SLC9C1: variants seen among roughly 807,000 people sequenced by gnomAD.
SLC9C1 encodes sodium/hydrogen exchanger 10.
A neutral mutation model predicts 140.9 loss-of-function variants in SLC9C1; 97 were observed. The ratio of observed to expected loss-of-function variants is 0.69; its 90% CI spans 0.58 to 0.82. The LOEUF (loss-of-function observed/expected upper bound fraction) is 0.82. Ranked by LOEUF, SLC9C1 falls within the 40% of genes least tolerant of loss-of-function variation. The probability of loss-of-function intolerance (pLI) is 0.00; values close to 1 mark genes in which losing one functional copy is unlikely to be tolerated. For missense variants in SLC9C1, 1,340 were observed against 1,389.3 expected, an observed-to-expected ratio of 0.96 and a Z score of 0.56; for synonymous variants, 440 against 442.6, an observed-to-expected ratio of 0.99 and a Z score of 0.07.
intron 20 of SLC9C1, among the ~76,000 whole-genome samples, chr3:112,187,875 A>G (rs923501818): frequency 3.3e-5 from 5 of 152,074 alleles, no homozygotes; most frequent in African/African-American, 7.2e-5. Flanking sequence ...CATCTTATAT[A>G]TACAAAATCT....
chr3:112,162,459 T>G (rs1043070316), intron 26 of SLC9C1, among the ~76,000 whole-genome samples: 32 of 152,182 alleles, frequency 2.1e-4, no homozygotes, highest in African/African-American at 7.5e-4. Context: ...ATACCGAATT[T>G]ATTGAGAGTT....
chr3:112,280,778 A>C lies in SLC9C1; in HGVS notation c.94T>G (p.Leu32Val). 1 of 1,610,020 alleles carries C rather than the reference A, an allele frequency of 6.2e-7. No homozygotes were observed. The highest frequency in any genetic ancestry group is 1.1e-5 in the South Asian group (1 of 89,672). Reference protein sequence around the residue: ...LSLISSIGAFLNRHLEDFPIP... With the variant: ...LSLISSIGAFVNRHLEDFPIP... Reference sequence around the variant, plus strand: ...GGAAAGTCTTCCAAGTGCCGGTTCAAAAATGCTGCAAAAAATATGTTGTTA... The same window carrying C: ...GGAAAGTCTTCCAAGTGCCGGTTCACAAATGCTGCAAAAAATATGTTGTTA... The change falls in exon 3 of 29, where the codon TTG becomes GTG. Residue 32 changes from leucine (L) to valine (V), a missense_variant. Coordinates refer to ENST00000305815, the MANE Select transcript of SLC9C1 (RefSeq NM_183061.3).
At chr3:112,259,853 ATGT>A in intron 10 of SLC9C1, among the ~76,000 whole-genome samples, 1 of 152,264 alleles carries the variant, frequency 6.6e-6, no homozygotes, top group South Asian at 2.1e-4. Context: ...ACTATTAATT[ATGT>A]TGTTACCTAC....
In SLC9C1 at chr3:112,255,839, G is replaced by T. The variant is rs116457135; in HGVS notation, c.1197+7085C>A. Among the ~76,000 whole-genome samples, 1,037 of 152,042 alleles carry T rather than the reference G, an allele frequency of 6.8e-3. 10 individuals are homozygous for T. Among genetic ancestry groups the T allele is most frequent in the African/African-American group, 0.023 (954 of 41,520 alleles). On this transcript the variant is annotated intron_variant, in intron 10 of 28. Transcript: ENST00000305815. ...AATTAATAAGACAGATAAGCTTCTAGCTAGACTAATAAAGAAGAGAACATT... is the reference window on the plus strand; with the variant it reads ...AATTAATAAGACAGATAAGCTTCTATCTAGACTAATAAAGAAGAGAACATT...
chr3:112,269,779 T>C (rs1183889871), intron 7 of SLC9C1, 137 bp downstream of exon 7: 3 of 613,590 alleles, frequency 4.9e-6, no homozygotes, highest in African/African-American at 1.9e-5. Context: ...TATCTTTTGA[T>C]AGATTATTTT....
chr3:112,193,480 G>T (rs746562668), intron 20 of SLC9C1, among the ~76,000 whole-genome samples: 3 of 152,178 alleles, frequency 2.0e-5, no homozygotes, highest in Non-Finnish European at 4.4e-5. Context: ...CAGGCCAGAG[G>T]CATGTCTGTG....
intron 25 of SLC9C1, 104 bp downstream of exon 25, chr3:112,168,773 T>G: frequency 9.1e-7 from 1 of 1,099,184 alleles, no homozygotes; most frequent in Non-Finnish European, 1.3e-6. Flanking sequence ...GGGAGAAGAT[T>G]GGAAGATGAA....
At chr3:112,195,552 G>A (rs1426975649) in intron 20 of SLC9C1, among the ~76,000 whole-genome samples, 2 of 151,562 alleles carry the variant, frequency 1.3e-5, no homozygotes, top group African/African-American at 4.8e-5. Context: ...ATTGTCTTTT[G>A]TGTTAAGTTG....
chr3:112,257,553 G>A (rs2079643629), intron 10 of SLC9C1, among the ~76,000 whole-genome samples: 1 of 152,052 alleles, frequency 6.6e-6, no homozygotes, highest in African/African-American at 2.4e-5. Flanking sequence ...ATCAACTCAA[G>A]ATAGATTAAA....
At chr3:112,210,714 A>G (rs2078178042) in intron 15 of SLC9C1, among the ~76,000 whole-genome samples, 1 of 152,206 alleles carries the variant, frequency 6.6e-6, no homozygotes, top group Admixed American at 6.5e-5. Context: ...AACTTTATGT[A>G]TGTACATAAG....
At chr3:112,248,676 C>T (rs980835847) in intron 10 of SLC9C1, among the ~76,000 whole-genome samples, 3 of 152,026 alleles carry the variant, frequency 2.0e-5, no homozygotes, top group African/African-American at 7.2e-5. Flanking sequence ...TGAGGTAGGA[C>T]ATTGAGCATA....
Position 112,208,243 on chromosome 3 carries a change from G to T in SLC9C1, c.1921C>A (p.His641Asn). The T allele has an allele frequency of 6.2e-7, 1 of 1,611,612 alleles. No individual in the cohort carries two copies. Among genetic ancestry groups the T allele is most frequent in the Non-Finnish European group, 8.5e-7 (1 of 1,178,864 alleles). Reference protein sequence around the residue: ...SWISQLNVIYHSELKHTNYCF... With the variant: ...SWISQLNVIYNSELKHTNYCF... The stretch of plus-strand genomic sequence containing the variant: ...TAGTTAGTGTGTTTTAATTCGCTGT[G>T]GTAGATTACATTTAACTGGGATATC... The change falls in exon 16 of 29, where the codon CAC becomes AAC. Residue 641 changes from histidine to asparagine, a missense_variant. His to Asn is a moderately conservative substitution (Grantham distance 68). Coordinates refer to ENST00000305815, the MANE Select transcript of SLC9C1 (RefSeq NM_183061.3).
intron 10 of SLC9C1, among the ~76,000 whole-genome samples, chr3:112,254,369 CA>C (rs1235444044): frequency 6.6e-6 from 1 of 152,114 alleles, no homozygotes; most frequent in Non-Finnish European, 1.5e-5. Context: ...AAAGGAACCC[CA>C]TCAGGCTAAC....
At chr3:112,156,722 A>G (rs982432268) in intron 26 of SLC9C1, among the ~76,000 whole-genome samples, 2 of 151,986 alleles carry the variant, frequency 1.3e-5, no homozygotes, top group Non-Finnish European at 2.9e-5. Context: ...TAGTCATTCT[A>G]ACTAAGGTGA....
At chr3:112,190,495 A>G (rs769217093) in intron 20 of SLC9C1, among the ~76,000 whole-genome samples, 29 of 152,142 alleles carry the variant, frequency 1.9e-4, no homozygotes, top group Non-Finnish European at 3.5e-4. Flanking sequence ...GCTGACTTAC[A>G]TTTTAGTCTA....
chr3:112,285,143 T>G (rs962853714), intron 2 of SLC9C1, among the ~76,000 whole-genome samples: 2 of 151,798 alleles, frequency 1.3e-5, no homozygotes, highest in South Asian at 4.2e-4. Flanking sequence ...CCTGCCACCA[T>G]GCCTGGCTAA....
chr3:112,182,049 A>T, intron 21 of SLC9C1, 84 bp downstream of exon 21: 1 of 1,034,124 alleles, frequency 9.7e-7, no homozygotes, highest in Non-Finnish European at 1.3e-6. Context: ...ATATTAAACT[A>T]GAGAGTATCA....
intron 20 of SLC9C1, among the ~76,000 whole-genome samples, chr3:112,183,350 T>TTTC (rs1491169845): frequency 8.3e-4 from 20 of 24,210 alleles, no homozygotes; most frequent in Non-Finnish European, 2.0e-3. Context: ...GCACCTTTTC[T>TTTC]TTTTTTTTTT....
intron 23 of SLC9C1, among the ~76,000 whole-genome samples, chr3:112,171,382 A>T (rs895380169): frequency 6.6e-6 from 1 of 152,116 alleles, no homozygotes; most frequent in African/African-American, 2.4e-5. Flanking sequence ...GAACATCTTC[A>T]TGTGTTTATT....
Sources: gnomAD v4.1 joint callset for allele counts (sites outside exome capture counted in the v4.1 genomes callset) on GRCh38, gnomAD v4.1.1 for gene constraint, MANE v1.5 for transcripts, NCBI Gene and HGNC (gene_info 2026-07-23, HGNC 2026-07-21) for gene names.